Variants in ARHGAP15 observed in about 807,000 individuals in gnomAD.
ARHGAP15 encodes the protein rho GTPase-activating protein 15.
In ARHGAP15, 51 loss-of-function variants were observed where a neutral mutation model predicts 63.7. The observed-to-expected ratio is 0.80, with a 90% CI of 0.64 to 1.01. ARHGAP15 has a LOEUF of 1.01. ARHGAP15 is among the 50% of genes least tolerant of loss of function. ARHGAP15 has a pLI of 0.00. For synonymous variants in ARHGAP15, 191 were observed against 193.8 expected (o/e 0.99, Z 0.12); for missense variants, 560 against 564.6 (o/e 0.99, Z 0.08).
chr2:143,278,721 A>G (rs1211724141), intron 6 of ARHGAP15, among the ~76,000 whole-genome samples: 1 of 152,142 alleles, frequency 6.6e-6, no homozygotes, highest in African/African-American at 2.4e-5. Context: ...AGCAATTTAA[A>G]AATACAAGAA....
intron 1 of ARHGAP15, among the ~76,000 whole-genome samples, chr2:143,135,825 G>C (rs1482352732): frequency 6.6e-6 from 1 of 152,138 alleles, no homozygotes; most frequent in Non-Finnish European, 1.5e-5. Flanking sequence ...CCTGAGATCA[G>C]TCTTTGGATT....
chr2:143,219,934 T>C (rs1184268445), intron 4 of ARHGAP15, among the ~76,000 whole-genome samples: 5 of 152,224 alleles, frequency 3.3e-5, no homozygotes, highest in Non-Finnish European at 7.4e-5. Context: ...TCATAATATA[T>C]TTGGGATAAT....
At chr2:143,762,250 G>A (rs755491265) in intron 13 of ARHGAP15, among the ~76,000 whole-genome samples, 36 of 152,114 alleles carry the variant, frequency 2.4e-4, no homozygotes, top group Non-Finnish European at 4.6e-4. Context: ...AATATTTTGG[G>A]GCCTCCTTGC....
At chr2:143,424,973 T>C (rs1310797769) in intron 6 of ARHGAP15, among the ~76,000 whole-genome samples, 1 of 152,138 alleles carries the variant, frequency 6.6e-6, no homozygotes, top group African/African-American at 2.4e-5. Context: ...AGACACAAAA[T>C]AGGCCTGGTT....
intron 13 of ARHGAP15, among the ~76,000 whole-genome samples, chr2:143,758,426 C>T (rs2030214): frequency 0.028 from 4,192 of 151,804 alleles, 95 homozygotes; most frequent in Non-Finnish European, 0.043. Context: ...TTCAATAGTT[C>T]TGATTAGTAC....
chr2:143,234,318 T>C (rs146611777), intron 5 of ARHGAP15, among the ~76,000 whole-genome samples: 5 of 152,200 alleles, frequency 3.3e-5, no homozygotes, highest in African/African-American at 1.2e-4. Flanking sequence ...ATATCTAAAT[T>C]TGTGTCAGTA....
intron 6 of ARHGAP15, among the ~76,000 whole-genome samples, chr2:143,406,854 A>T (rs567088525): frequency 6.6e-6 from 1 of 151,854 alleles, no homozygotes; most frequent in African/African-American, 2.4e-5. Context: ...CTCCCATCTT[A>T]TGGTTCCATC....
intron 3 of ARHGAP15, among the ~76,000 whole-genome samples, 176 bp downstream of exon 3, chr2:143,202,378 C>T (rs561372351): frequency 3.9e-5 from 6 of 152,210 alleles, no homozygotes; most frequent in African/African-American, 1.2e-4. Flanking sequence ...ACAAAAGCAT[C>T]AGCCAGAATT....
chr2:143,183,866 A>G lies in ARHGAP15; in HGVS notation c.166-18268A>G, dbSNP rs144613271. 3.6e-3 allele frequency among the ~76,000 whole-genome samples: 542 copies of G among 152,284 alleles called. 5 individuals carry two copies. The highest frequency in any genetic ancestry group is 0.013 in the African/African-American group (521 of 41,556). ...AAAAGACAGTCTTTATAAATGATCA[A>G]GTTGGCATGTCAGGGTAAAAGACAG... On this transcript the variant is annotated intron_variant, in intron 2 of 13. Coordinates refer to ENST00000295095, the MANE Select transcript of ARHGAP15 (RefSeq NM_018460.4).
At chr2:143,299,082 A>G (rs1333206357) in intron 6 of ARHGAP15, among the ~76,000 whole-genome samples, 3 of 151,932 alleles carry the variant, frequency 2.0e-5, no homozygotes, top group Non-Finnish European at 4.4e-5. Flanking sequence ...TTGTTTCTTC[A>G]AGAGCAAGAG....
chr2:143,518,617 T>C (rs1693924701), intron 9 of ARHGAP15, among the ~76,000 whole-genome samples: 2 of 152,164 alleles, frequency 1.3e-5, no homozygotes, highest in African/African-American at 4.8e-5. Context: ...GAATCATCTA[T>C]TAACAGCCTG....
chr2:143,518,980 T>C (rs1693941946), intron 9 of ARHGAP15: 1 of 217,870 alleles, frequency 4.6e-6, no homozygotes, highest in South Asian at 7.9e-5. Context: ...TTGTCTTTCC[T>C]TTATAGACCA....
chr2:143,620,687 C>T (rs1159459918), intron 11 of ARHGAP15, among the ~76,000 whole-genome samples: 1 of 152,178 alleles, frequency 6.6e-6, no homozygotes, highest in Non-Finnish European at 1.5e-5. Flanking sequence ...TTTAATCTAC[C>T]TATGCCTCAC....
chr2:143,396,851 G>A (rs1373062051), intron 6 of ARHGAP15, among the ~76,000 whole-genome samples: 1 of 151,934 alleles, frequency 6.6e-6, no homozygotes, highest in African/African-American at 2.4e-5. Context: ...TGTGATTGTA[G>A]GAATATGTAT....
chr2:143,560,756 C>T (rs1466204287), intron 11 of ARHGAP15, among the ~76,000 whole-genome samples: 1 of 152,256 alleles, frequency 6.6e-6, no homozygotes, highest in Non-Finnish European at 1.5e-5. Context: ...TTGCCATTCT[C>T]TGTATGGCTT....
At chr2:143,689,431 G>C (rs2105389392) in intron 12 of ARHGAP15, among the ~76,000 whole-genome samples, 1 of 152,118 alleles carries the variant, frequency 6.6e-6, no homozygotes, top group South Asian at 2.1e-4. Context: ...CTTTTTATGA[G>C]CATTGTTCTC....
chr2:143,611,807 A>G (rs1698264721), intron 11 of ARHGAP15, among the ~76,000 whole-genome samples: 1 of 152,218 alleles, frequency 6.6e-6, no homozygotes, highest in African/African-American at 2.4e-5. Flanking sequence ...CTCAAGTATT[A>G]CATGTAAGAT....
chr2:143,274,859 T>C (rs1270076620), intron 6 of ARHGAP15, among the ~76,000 whole-genome samples: 2 of 152,072 alleles, frequency 1.3e-5, no homozygotes. Flanking sequence ...CTTGGTAAAA[T>C]TCCCGAATCA....
At chr2:143,438,743 G>C (rs1558971903) in intron 8 of ARHGAP15, among the ~76,000 whole-genome samples, 1 of 152,038 alleles carries the variant, frequency 6.6e-6, no homozygotes, top group Non-Finnish European at 1.5e-5. Context: ...TACTTCATAT[G>C]GTTTGAGACA....
Sources: allele counts gnomAD v4.1 joint callset (sites outside exome capture counted in the v4.1 genomes callset), GRCh38; gene constraint gnomAD v4.1.1; transcripts MANE v1.5; gene names NCBI Gene and HGNC (gene_info 2026-07-23, HGNC 2026-07-21).